The following CCSAP variants were observed in gnomAD, a reference collection of about 807,000 sequenced individuals.
CCSAP encodes centriole, cilia and spindle associated protein.
Under a neutral mutation model 25.9 loss-of-function variants are expected in CCSAP, and 17 were observed. The observed-to-expected ratio is 0.66, with a 90% CI of 0.45 to 0.99. The LOEUF is 0.99. Among genes scored for constraint, CCSAP ranks in the 50% least tolerant of loss-of-function variants. The pLI, the probability that CCSAP is intolerant of heterozygous loss-of-function variation, is 0.00. For missense variants in CCSAP, 339 were observed against 367.8 expected, an observed-to-expected ratio of 0.92 and a Z score of 0.64; for synonymous variants, 169 against 157.1, an observed-to-expected ratio of 1.08 and a Z score of -0.57.
In CCSAP at chr1:229,323,720, C is replaced by G. The variant is rs1657878131; in HGVS notation, c.*1515G>C. On this transcript the variant is annotated 3_prime_UTR_variant, in exon 4 of 4. Transcript: ENST00000284617. ...TATTTAAAAAGTTTTTTTAAGCTCA[C>G]AATACTTCAGTATGTGTTTTCAAAG... 6.6e-6 allele frequency: 1 copy of G among 152,158 alleles called. No homozygotes were observed. Among genetic ancestry groups the G allele is most frequent in the Admixed American group, 6.5e-5 (1 of 15,274 alleles). The allele number at this position is 152,158 out of a possible 1,614,324, so 9.4% of individuals were successfully genotyped here. A position where few individuals can be genotyped will look rare whatever the true frequency, so the allele number is the denominator to read the frequency against.
intron 2 of CCSAP, among the ~76,000 whole-genome samples, chr1:229,329,266 G>A (rs1441969707): frequency 6.6e-6 from 1 of 152,180 alleles, no homozygotes; most frequent in Non-Finnish European, 1.5e-5. Context: ...CCTGCCCATA[G>A]AAGGCAATAA....
intron 2 of CCSAP, among the ~76,000 whole-genome samples, chr1:229,333,155 G>A (rs1043390489): frequency 3.9e-5 from 6 of 152,064 alleles, no homozygotes; most frequent in African/African-American, 7.2e-5. Flanking sequence ...TTTCTAGGCC[G>A]GGCGCGGTGG....
chr1:229,327,762 G>A (rs1248834629), intron 2 of CCSAP, among the ~76,000 whole-genome samples: 1 of 151,828 alleles, frequency 6.6e-6, no homozygotes, highest in Non-Finnish European at 1.5e-5. Flanking sequence ...CCAGCTACTC[G>A]GGAGACTGAG....
At chr1:229,330,796 G>C (rs964179427) in intron 2 of CCSAP, among the ~76,000 whole-genome samples, 5 of 146,870 alleles carry the variant, frequency 3.4e-5, no homozygotes, top group African/African-American at 1.3e-4. Flanking sequence ...AGTGAGCCGA[G>C]ATCGTGCCAC....
intron 2 of CCSAP, among the ~76,000 whole-genome samples, chr1:229,337,698 T>TATATAC (rs1473619585): frequency 3.0e-3 from 180 of 60,256 alleles, no homozygotes; most frequent in Middle Eastern, 6.5e-3. Context: ...TATATATATA[T>TATATAC]ACACATACAT....
At position 229,325,357 on chromosome 1, in the gene CCSAP, G is replaced by A. The variant is rs1298213518; in HGVS notation, c.691C>T (p.Leu231=). 3 of 1,614,118 alleles carry A rather than the reference G, an allele frequency of 1.9e-6. No individual in the cohort carries two copies. Among genetic ancestry groups the A allele is most frequent in the Non-Finnish European group, 2.5e-6 (3 of 1,180,006 alleles). ...TGAGCTCGCTGCCTTTGAGCAACCA[G>A]TTTCCTTTTTTCCACCTGTCTTCTG... The part of the protein sequence containing the change: ...KNRRQVEKRK[L]VAQRQRAHSV... Residue 231 remains leucine, a synonymous_variant, in exon 4 of 4, where the codon CTG becomes TTG. Transcript: ENST00000284617.
rs1328764162 is a variant in CCSAP at position 229,325,039 on chromosome 1, A to C, written c.*196T>G. 7.9e-6 allele frequency: 4 copies of C among 503,876 alleles called. No homozygotes were observed. The highest frequency in any genetic ancestry group is 1.4e-5 in the Non-Finnish European group (4 of 288,110). The allele number at this position is 503,876 out of a possible 1,614,324, so 31.2% of individuals were successfully genotyped here. On this transcript the variant is annotated 3_prime_UTR_variant, in exon 4 of 4. Transcript: ENST00000284617. ...TAAATAACCAAATGTCTATGGCTTC[A>C]ACTGTCTGCCCTACTGCCGAGGTAG...
chr1:229,326,687 C>G (rs1055998540), intron 3 of CCSAP, 51 bp downstream of exon 3: 1 of 1,600,748 alleles, frequency 6.2e-7, no homozygotes, highest in Non-Finnish European at 8.5e-7. Flanking sequence ...GCGCATGGCC[C>G]AGCTGGCCAC....
Position 229,342,066 on chromosome 1 carries a change from C to G in CCSAP, c.367+33G>C, listed in dbSNP as rs759664214. On this transcript the variant is annotated intron_variant, in intron 2 of 3. Transcript: ENST00000284617. The surrounding 1 kb of genome is among the most constrained non-coding windows in gnomAD (Gnocchi z 7.5). ...GCTTAGAGCAAACCGTCCCTGCGTG[C>G]AGGCCCCTCGCGCTCCCCTCCGGGC... The G allele has an allele frequency of 1.5e-6, 2 of 1,316,160 alleles. No homozygotes were observed. The highest frequency in any genetic ancestry group is 1.9e-6 in the Non-Finnish European group (2 of 1,034,956). 81.5% of individuals were successfully genotyped at this position (1,316,160 alleles called of 1,614,324 possible).
In CCSAP at chr1:229,323,686, C is replaced by T. The variant is rs1657877570; in HGVS notation, c.*1549G>A. ...GTAAGGAAACAAATTCACCTCAAAA[C>T]TATGCAAATATTTAAAAAGTTTTTT... On this transcript the variant is annotated 3_prime_UTR_variant, in exon 4 of 4. Transcript: ENST00000284617. 6.6e-6 allele frequency: 1 copy of T among 152,202 alleles called. No homozygotes were observed. The highest frequency in any genetic ancestry group is 2.4e-5 in the African/African-American group (1 of 41,458). 9.4% of individuals were successfully genotyped at this position (152,202 alleles called of 1,614,324 possible).
chr1:229,340,412 A>G (rs1658303959), intron 2 of CCSAP: 1 of 716,938 alleles, frequency 1.4e-6, no homozygotes, highest in South Asian at 1.5e-5. Flanking sequence ...TGAGCTGGTA[A>G]ATACAGGCAC....
At chr1:229,327,071 TTA>T in intron 2 of CCSAP, 65 bp from the exon 3 acceptor site, 2 of 1,329,708 alleles carry the variant, frequency 1.5e-6, no homozygotes, top group Non-Finnish European at 2.0e-6. Flanking sequence ...ATTAAAATAT[TTA>T]TGTTGAAAAA....
At chr1:229,330,833 T>TAAA (rs1553304645) in intron 2 of CCSAP, among the ~76,000 whole-genome samples, 4 of 118,228 alleles carry the variant, frequency 3.4e-5, no homozygotes, top group African/African-American at 1.2e-4. Flanking sequence ...CAACTCCATC[T>TAAA]AAAAAAAAAA....
intron 2 of CCSAP, among the ~76,000 whole-genome samples, chr1:229,337,678 A>AAAAAAAAAAAAATATAAATAT: frequency 1.5e-5 from 1 of 65,548 alleles, no homozygotes; most frequent in Non-Finnish European, 3.1e-5. Context: ...CTCAAAAAAA[A>AAAAAAAAAAAAATATAAATAT]ATATATATAT....
chr1:229,332,827 C>T (rs961613691), intron 2 of CCSAP, among the ~76,000 whole-genome samples: 12 of 152,254 alleles, frequency 7.9e-5, no homozygotes, highest in Non-Finnish European at 1.0e-4. Flanking sequence ...TGGCAGACAG[C>T]GCAAATGGAG....
chr1:229,335,865 C>T (rs544908262), intron 2 of CCSAP, among the ~76,000 whole-genome samples: 11 of 151,986 alleles, frequency 7.2e-5, no homozygotes, highest in African/African-American at 2.2e-4. Context: ...TGGGGGCCTC[C>T]GTATCCAGGG....
intron 2 of CCSAP, among the ~76,000 whole-genome samples, chr1:229,337,512 G>T (rs899936602): frequency 6.6e-6 from 1 of 150,584 alleles, no homozygotes; most frequent in East Asian, 1.9e-4. Context: ...TAGAGGATGT[G>T]TTCCATCAAA....
chr1:229,336,282 T>C (rs1002414750), intron 2 of CCSAP, among the ~76,000 whole-genome samples: 7 of 151,810 alleles, frequency 4.6e-5, no homozygotes, highest in African/African-American at 1.7e-4. Context: ...ACTCCTCTCC[T>C]ACCCAGAAGG....
intron 2 of CCSAP, among the ~76,000 whole-genome samples, chr1:229,336,856 G>C (rs1384750035): frequency 6.6e-6 from 1 of 151,834 alleles, no homozygotes; most frequent in Non-Finnish European, 1.5e-5. Flanking sequence ...TTAATGTAAA[G>C]AACATTATGG....
Sources: gnomAD v4.1 joint callset for allele counts (sites outside exome capture counted in the v4.1 genomes callset) on GRCh38, gnomAD v4.1.1 for gene constraint, Gnocchi (gnomAD v3.1) non-coding constraint, MANE v1.5 for transcripts, NCBI Gene and HGNC (gene_info 2026-07-23, HGNC 2026-07-21) for gene names.